The following ITGA5 variants were observed in gnomAD, a reference collection of about 807,000 sequenced individuals.
ITGA5 encodes the protein integrin subunit alpha 5, also known as integrin alpha-5.
In ITGA5, 55 loss-of-function variants were observed where a neutral mutation model predicts 146.3. The observed-to-expected ratio is 0.38, with a 90% CI of 0.30 to 0.47. ITGA5 has a LOEUF of 0.47. Ranked by LOEUF, ITGA5 falls within the 20% of genes least tolerant of loss-of-function variation. ITGA5 has a pLI of 0.99. For synonymous variants in ITGA5, 500 were observed against 531.8 expected, an observed-to-expected ratio of 0.94 and a Z score of 0.82; for missense variants, 1,131 against 1,329.0, an observed-to-expected ratio of 0.85 and a Z score of 2.32.
intron 1 of ITGA5, among the ~76,000 whole-genome samples, chr12:54,414,681 C>T (rs1322047000): frequency 6.7e-6 from 1 of 150,246 alleles, no homozygotes; most frequent in Non-Finnish European, 1.5e-5. Context: ...TCCGTCTCTA[C>T]TAAAAATACA....
Position 54,409,642 on chromosome 12 carries a change from T to C in ITGA5, c.350-45A>G. On this transcript the variant is annotated intron_variant, in intron 2 of 29. Transcript: ENST00000293379. This position sits in a 1 kb window ranked among gnomAD's most constrained non-coding sequence, Gnocchi z 4.7. ...GGAGTCTTACTGAGCCATGGACATT[T>C]GAGCTCTAGGGCAGCCCCTACCCTC... is the stretch of plus-strand genomic sequence containing the variant. 7.2e-7 allele frequency: 1 copy of C among 1,380,384 alleles called. No homozygotes were observed. Among genetic ancestry groups the C allele is most frequent in the Non-Finnish European group, 1.0e-6 (1 of 984,252 alleles). 85.5% of individuals were successfully genotyped at this position (1,380,384 alleles called of 1,614,324 possible).
At chr12:54,400,531 A>G (rs1174530126) in intron 25 of ITGA5, 3 of 304,574 alleles carry the variant, frequency 9.8e-6, no homozygotes, top group Admixed American at 4.7e-5. Flanking sequence ...TAATGAGTAA[A>G]TGAACTATAA....
chr12:54,400,557 C>A, intron 25 of ITGA5: 1 of 354,008 alleles, frequency 2.8e-6, no homozygotes, highest in Non-Finnish European at 5.1e-6. Flanking sequence ...GCATTCGGGC[C>A]CAGAGGAAAA....
rs898895633 is a variant in ITGA5 at position 54,401,130 on chromosome 12, C to T, written c.2494-135G>A. On this transcript the variant is annotated intron_variant, in intron 24 of 29. Transcript: ENST00000293379. The surrounding 1 kb of genome is among the most constrained non-coding windows in gnomAD (Gnocchi z 5.0). Reference sequence around the variant, plus strand: ...AGAGATGAAGCAGGGAAGCAATGGGCAGAGGTGAAATCCTCTCTAGCCAAC... The same window carrying T: ...AGAGATGAAGCAGGGAAGCAATGGGTAGAGGTGAAATCCTCTCTAGCCAAC... 7 of 967,670 alleles carry T rather than the reference C, an allele frequency of 7.2e-6. No homozygotes were observed. Among genetic ancestry groups the T allele is most frequent in the Non-Finnish European group, 1.1e-5 (7 of 654,168 alleles). 59.9% of individuals were successfully genotyped at this position (967,670 alleles called of 1,614,324 possible). A position where few individuals can be genotyped will look rare whatever the true frequency, so the allele number is the denominator to read the frequency against.
intron 20 of ITGA5, 30 bp downstream of exon 20, chr12:54,402,150 C>G: frequency 6.2e-7 from 1 of 1,613,384 alleles, no homozygotes; most frequent in Non-Finnish European, 8.5e-7. Context: ...GGGGTATCCT[C>G]CCAAATCCCA....
At chr12:54,412,241 A>G (rs1955955637) in intron 1 of ITGA5, 1 of 301,494 alleles carries the variant, frequency 3.3e-6, no homozygotes, top group Non-Finnish European at 6.1e-6. Context: ...AGGAGGAACC[A>G]CAGTCAATTT....
At chr12:54,402,480 A>C (rs916922410) in intron 19 of ITGA5, 150 bp from the exon 20 acceptor site, 8 of 635,042 alleles carry the variant, frequency 1.3e-5, no homozygotes, top group Non-Finnish European at 2.1e-5. Context: ...GTGGATCACG[A>C]GGTCAGGAGT....
At chr12:54,418,902 C>T in intron 1 of ITGA5, 79 bp downstream of exon 1, 1 of 1,497,402 alleles carries the variant, frequency 6.7e-7, no homozygotes, top group Non-Finnish European at 9.1e-7. Context: ...AAGCCCTGGT[C>T]CCCTCCAGAC....
chr12:54,411,729 G>A (rs1348801854), intron 2 of ITGA5, 105 bp downstream of exon 2: 3 of 985,448 alleles, frequency 3.0e-6, no homozygotes, highest in South Asian at 4.6e-5. Flanking sequence ...AGGTCACGTG[G>A]CCGGGGTTCC....
rs781215834 is a variant in ITGA5, at chr12:54,409,622, C to G, written c.350-25G>C. 23 of 1,521,226 alleles carry G rather than the reference C, an allele frequency of 1.5e-5. 1 individual carries two copies. The Admixed American group carries it at 3.9e-4, about 26-fold the overall frequency. 94.2% of individuals were successfully genotyped at this position (1,521,226 alleles called of 1,614,324 possible). A position where few individuals can be genotyped will look rare whatever the true frequency, so the allele number is the denominator to read the frequency against. On this transcript the variant is annotated intron_variant, in intron 2 of 29. Coordinates refer to ENST00000293379, the MANE Select transcript of ITGA5 (RefSeq NM_002205.5). This position sits in a 1 kb window ranked among gnomAD's most constrained non-coding sequence, Gnocchi z 4.7. ...CCTTGTGGAAGTGAGAAGGGGGAGT[C>G]TTACTGAGCCATGGACATTTGAGCT...
chr12:54,405,107 A>G (rs964728330), intron 12 of ITGA5, 59 bp downstream of exon 12: 38 of 1,459,310 alleles, frequency 2.6e-5, no homozygotes, highest in South Asian at 9.3e-5. Flanking sequence ...CCTCTCCCCA[A>G]ATCCCTTCTG....
In ITGA5 at chr12:54,416,832, T is replaced by A. The variant is rs1956012938; in HGVS notation, c.218+2149A>T. ...CTGAAAGCTTTGCCCTTTCCTACCA[T>A]CTAACTGCTTTGGTGCTCGCCCTGT... On this transcript the variant is annotated intron_variant, in intron 1 of 29. Coordinates refer to ENST00000293379, the MANE Select transcript of ITGA5 (RefSeq NM_002205.5). The surrounding 1 kb of genome is among the most constrained non-coding windows in gnomAD (Gnocchi z 4.1). Among the ~76,000 whole-genome samples, 1 of 152,196 alleles carries A rather than the reference T, an allele frequency of 6.6e-6. No individual in the cohort carries two copies. Among genetic ancestry groups the A allele is most frequent in the Non-Finnish European group, 1.5e-5 (1 of 68,038 alleles).
chr12:54,408,261 G>A (rs1955893386), intron 6 of ITGA5, 26 bp from the exon 7 acceptor site: 3 of 1,612,482 alleles, frequency 1.9e-6, no homozygotes, highest in Non-Finnish European at 1.7e-6. Flanking sequence ...AGAGGGAGTA[G>A]ATGGAGAGGA....
chr12:54,396,495 T>A, intron 29 of ITGA5, 119 bp from the exon 30 acceptor site: 1 of 793,024 alleles, frequency 1.3e-6, no homozygotes, highest in Non-Finnish European at 2.1e-6. Context: ...CCTGCAAAAG[T>A]GGCCTCTGAA....
intron 1 of ITGA5, among the ~76,000 whole-genome samples, chr12:54,412,903 C>T (rs1005084666): frequency 7.2e-5 from 11 of 152,148 alleles, no homozygotes; most frequent in Admixed American, 5.2e-4. Flanking sequence ...CTGGGCAACT[C>T]GACCCAGCCT....
intron 10 of ITGA5, 28 bp from the exon 11 acceptor site, chr12:54,405,744 G>A (rs965205447): frequency 5.0e-6 from 8 of 1,613,016 alleles, no homozygotes; most frequent in South Asian, 2.2e-5. Context: ...GCAGCGCTGG[G>A]TCAGAACTAG....
At chr12:54,400,781 C>T in intron 25 of ITGA5, 65 bp downstream of exon 25, 2 of 1,549,402 alleles carry the variant, frequency 1.3e-6, no homozygotes, top group Non-Finnish European at 1.8e-6. Flanking sequence ...GCAACCTTCC[C>T]CAACCCCTCA....
chr12:54,410,305 C>T (rs754158768), intron 2 of ITGA5, among the ~76,000 whole-genome samples: 1 of 149,994 alleles, frequency 6.7e-6, no homozygotes, highest in Non-Finnish European at 1.5e-5. Flanking sequence ...ACTTCTTTGT[C>T]TATACTTGGA....
intron 13 of ITGA5, 94 bp downstream of exon 13, chr12:54,404,609 T>G: frequency 6.7e-7 from 1 of 1,487,804 alleles, no homozygotes. Context: ...TAGCCAGAAC[T>G]GCACCCAGGA....
Sources: allele counts gnomAD v4.1 joint callset (sites outside exome capture counted in the v4.1 genomes callset), GRCh38; gene constraint gnomAD v4.1.1; non-coding constraint Gnocchi (gnomAD v3.1); transcripts MANE v1.5; gene names NCBI Gene and HGNC (gene_info 2026-07-23, HGNC 2026-07-21).